The following NALCN variants were observed in gnomAD, a reference collection of about 807,000 sequenced individuals.
NALCN encodes the protein sodium leak channel NALCN.
A neutral mutation model predicts 225.3 loss-of-function variants in NALCN; 111 were observed. The ratio of observed to expected loss-of-function variants is 0.49; its 90% CI spans 0.42 to 0.58. NALCN has a LOEUF of 0.58. Ranked by LOEUF, NALCN falls within the 20% of genes least tolerant of loss-of-function variation. The pLI, the probability that NALCN is intolerant of heterozygous loss-of-function variation, is 0.00. For synonymous variants in NALCN, 764 were observed against 769.0 expected (o/e 0.99, Z 0.11); for missense variants, 1,378 against 2,202.4 (o/e 0.63, Z 7.49).
chr13:101,144,140 G>T (rs1460329227), intron 16 of NALCN, among the ~76,000 whole-genome samples: 1 of 152,104 alleles, frequency 6.6e-6, no homozygotes, highest in South Asian at 2.1e-4. Flanking sequence ...ATAACTAGAA[G>T]AATTTCCTTT....
chr13:101,318,836 C>A (rs922008327), intron 7 of NALCN, among the ~76,000 whole-genome samples: 1 of 152,062 alleles, frequency 6.6e-6, no homozygotes, highest in Admixed American at 6.6e-5. Context: ...TATGACACTG[C>A]GCAAGATTGT....
chr13:101,317,938 C>G (rs536077395), intron 7 of NALCN, among the ~76,000 whole-genome samples: 1 of 152,038 alleles, frequency 6.6e-6, no homozygotes, highest in East Asian at 1.9e-4. Context: ...TCAGTTCTTC[C>G]GGGATGACCC....
intron 10 of NALCN, among the ~76,000 whole-genome samples, chr13:101,259,609 C>T (rs1212465472): frequency 2.0e-5 from 3 of 151,512 alleles, no homozygotes; most frequent in African/African-American, 7.3e-5. Context: ...GTTGGGATTA[C>T]AGGCATGAGC....
intron 3 of NALCN, among the ~76,000 whole-genome samples, chr13:101,383,076 T>TA (rs147045571): frequency 0.021 from 3,211 of 152,246 alleles, 117 homozygotes; most frequent in African/African-American, 0.073. Flanking sequence ...TTTCCATTTG[T>TA]AAAAAATCTT....
chr13:101,128,362 C>T (rs1158589729), intron 17 of NALCN, among the ~76,000 whole-genome samples: 1 of 152,172 alleles, frequency 6.6e-6, no homozygotes, highest in Non-Finnish European at 1.5e-5. Context: ...CATACTTTAA[C>T]ACATAATTCA....
At chr13:101,289,627 C>A (rs1197844942) in intron 9 of NALCN, among the ~76,000 whole-genome samples, 1 of 151,454 alleles carries the variant, frequency 6.6e-6, no homozygotes, top group Non-Finnish European at 1.5e-5. Context: ...AGCCCAGGAC[C>A]CTTTAGTCCT....
chr13:101,339,286 C>T (rs2045482226), intron 7 of NALCN, among the ~76,000 whole-genome samples: 1 of 152,138 alleles, frequency 6.6e-6, no homozygotes, highest in Non-Finnish European at 1.5e-5. Flanking sequence ...CACGGAATCT[C>T]AATGTCTGCT....
intron 43 of NALCN, chr13:101,057,047 A>G (rs753493314): frequency 2.6e-5 from 4 of 152,362 alleles, no homozygotes; most frequent in Admixed American, 1.3e-4. Context: ...CCCACTGAAC[A>G]TCGTCAGCCT....
intron 17 of NALCN, among the ~76,000 whole-genome samples, chr13:101,139,188 G>C (rs951922897): frequency 7.9e-5 from 12 of 152,252 alleles, no homozygotes; most frequent in Middle Eastern, 3.4e-3. Context: ...TTAAAAACAT[G>C]GTTTCTGCAA....
intron 13 of NALCN, among the ~76,000 whole-genome samples, chr13:101,199,708 T>G (rs2040038192): frequency 6.7e-6 from 1 of 149,190 alleles, no homozygotes; most frequent in South Asian, 2.2e-4. Flanking sequence ...AAATGACGAG[T>G]TAATGGGTGC....
chr13:101,134,258 G>A (rs2036657597), intron 17 of NALCN, among the ~76,000 whole-genome samples: 1 of 152,188 alleles, frequency 6.6e-6, no homozygotes, highest in Admixed American at 6.5e-5. Flanking sequence ...ACTATGTGTA[G>A]GAGTTAAAAT....
chr13:101,381,805 T>C, intron 3 of NALCN, among the ~76,000 whole-genome samples: 1 of 152,184 alleles, frequency 6.6e-6, no homozygotes, highest in Non-Finnish European at 1.5e-5. Context: ...GTGTATATTT[T>C]CAAATGGACT....
intron 30 of NALCN, among the ~76,000 whole-genome samples, chr13:101,084,900 A>T (rs655365): frequency 0.73 from 111,292 of 152,038 alleles, 41,331 homozygotes; most frequent in African/African-American, 0.82. Context: ...CAAAGAGCAA[A>T]AACCAAAACA....
rs191976210 is a variant in NALCN at position 101,351,128 on chromosome 13, T to C, written c.645-5708A>G. On this transcript the variant is annotated intron_variant, in intron 6 of 43. Transcript: ENST00000251127. ...TTTTCTGAATAAATGAATGAATGAA[T>C]GAATGTGTCTTTCTACCATTATTTA... Among the ~76,000 whole-genome samples, 387 of 152,314 alleles carry C rather than the reference T, an allele frequency of 2.5e-3. 1 individual carries two copies. Among genetic ancestry groups the C allele is most frequent in the Non-Finnish European group, 3.4e-3 (232 of 68,026 alleles).
intron 15 of NALCN, among the ~76,000 whole-genome samples, chr13:101,154,035 C>A (rs1374369738): frequency 6.6e-6 from 1 of 152,198 alleles, no homozygotes; most frequent in Non-Finnish European, 1.5e-5. Context: ...CCAAAACCAT[C>A]TTCTCCAGGA....
intron 7 of NALCN, among the ~76,000 whole-genome samples, chr13:101,300,709 A>G (rs1221250745): frequency 6.6e-6 from 1 of 152,208 alleles, no homozygotes; most frequent in East Asian, 1.9e-4. Context: ...CCACACACTC[A>G]AGTCATGTGC....
chr13:101,196,711 G>T (rs2039904536), intron 13 of NALCN, among the ~76,000 whole-genome samples: 1 of 152,126 alleles, frequency 6.6e-6, no homozygotes. Flanking sequence ...CTTCAATTCA[G>T]GTAGGTTCAG....
intron 14 of NALCN, among the ~76,000 whole-genome samples, chr13:101,185,665 A>G (rs1230660155): frequency 6.6e-6 from 1 of 152,256 alleles, no homozygotes; most frequent in African/African-American, 2.4e-5. Context: ...CATTTGCTAT[A>G]TACTTCAGCT....
Position 101,142,450 on chromosome 13 carries a change from AT to A in NALCN, c.2118+629del, listed in dbSNP as rs555682324. On this transcript the variant is annotated intron_variant, in intron 17 of 43. Transcript: ENST00000251127. The stretch of plus-strand genomic sequence containing the variant: ...AGCCATGGCACACAGCCCTTATATT[AT>A]TTTTTTTAAAAGTGAATAAATGAAA... Among the ~76,000 whole-genome samples the A allele has an allele frequency of 2.6e-3, 395 of 151,720 alleles. 1 individual carries two copies. The highest frequency in any genetic ancestry group is 9.1e-3 in the African/African-American group (377 of 41,394).
Sources: allele counts gnomAD v4.1 joint callset (sites outside exome capture counted in the v4.1 genomes callset), GRCh38; gene constraint gnomAD v4.1.1; transcripts MANE v1.5; gene names NCBI Gene and HGNC (gene_info 2026-07-23, HGNC 2026-07-21).